The following PAPSS2 variants were observed in gnomAD, a reference collection of about 807,000 sequenced individuals.
PAPSS2 encodes bifunctional 3'-phosphoadenosine 5'-phosphosulfate synthase 2.
Under a neutral mutation model 66.5 loss-of-function variants are expected in PAPSS2, and 61 were observed. That is an observed-to-expected ratio of 0.92 (90% CI 0.75 to 1.14). The LOEUF (loss-of-function observed/expected upper bound fraction) is 1.14, where lower values mean the gene tolerates loss of function less well. PAPSS2 is among the 50% of genes most tolerant of loss of function. The pLI, the probability that PAPSS2 is intolerant of heterozygous loss-of-function variation, is 0.00. For synonymous variants in PAPSS2, 289 were observed against 287.5 expected, an observed-to-expected ratio of 1.01 and a Z score of -0.05; for missense variants, 708 against 789.6, an observed-to-expected ratio of 0.90 and a Z score of 1.24.
chr10:87,740,436 G>A (rs949332650), intron 9 of PAPSS2, among the ~76,000 whole-genome samples: 10 of 152,124 alleles, frequency 6.6e-5, no homozygotes, highest in Non-Finnish European at 1.3e-4. Flanking sequence ...AATCATTCAT[G>A]GGTAAATGAT....
chr10:87,676,052 A>ATATTTAAAGT (rs1852941964), intron 1 of PAPSS2, among the ~76,000 whole-genome samples: 2 of 146,294 alleles, frequency 1.4e-5, no homozygotes, highest in Non-Finnish European at 3.0e-5. Flanking sequence ...TCCTCATGGA[A>ATATTTAAAGT]TATTTAAAAT....
chr10:87,721,607 A>G (rs748865158), intron 7 of PAPSS2, 149 bp from the exon 8 acceptor site: 30 of 601,098 alleles, frequency 5.0e-5, no homozygotes, highest in Non-Finnish European at 8.3e-5. Context: ...TATACTCTCT[A>G]TTTTTAAAAA....
chr10:87,745,499 GAAGCAAC>G (rs1163441877), intron 12 of PAPSS2, among the ~76,000 whole-genome samples: 2 of 152,182 alleles, frequency 1.3e-5, no homozygotes, highest in African/African-American at 4.8e-5. Flanking sequence ...TAAGTGAAAG[GAAGCAAC>G]ATAGAAAGAG....
At chr10:87,719,651 C>T (rs1407977730) in intron 7 of PAPSS2, among the ~76,000 whole-genome samples, 1 of 152,056 alleles carries the variant, frequency 6.6e-6, no homozygotes, top group Non-Finnish European at 1.5e-5. Flanking sequence ...GACTTTATCC[C>T]TAGTCACATC....
intron 9 of PAPSS2, among the ~76,000 whole-genome samples, chr10:87,736,166 C>G (rs1589442445): frequency 6.6e-6 from 1 of 151,382 alleles, no homozygotes; most frequent in East Asian, 1.9e-4. Context: ...CTAGGAGAGA[C>G]ACAGCTCTGT....
chr10:87,724,884 A>AC (rs1853640783), intron 8 of PAPSS2, among the ~76,000 whole-genome samples: 1 of 151,560 alleles, frequency 6.6e-6, no homozygotes, highest in East Asian at 1.9e-4. Context: ...ACACACATAG[A>AC]AAGAGAGAGA....
chr10:87,745,902 GATGGCTTC>G lies in PAPSS2; in HGVS notation c.1798_1805del (p.Phe600ProfsTer56), dbSNP rs1160920125. The G allele has an allele frequency of 1.9e-6, 3 of 1,614,058 alleles. No homozygotes were observed. The highest frequency in any genetic ancestry group is 2.5e-6 in the Non-Finnish European group (3 of 1,179,954). The stretch of plus-strand genomic sequence containing the variant: ...CGCCCGGGAAGGAGAGAATCCCCCA[GATGGCTTC>G]ATGGCCCCCAAAGCATGGAAGGTCC... On this transcript the variant is annotated frameshift_variant, in exon 13 of 13. Transcript: ENST00000456849. LOFTEE classifies it high-confidence loss of function.
intron 9 of PAPSS2, among the ~76,000 whole-genome samples, chr10:87,730,658 T>G (rs908434868): frequency 6.6e-6 from 1 of 152,224 alleles, no homozygotes; most frequent in African/African-American, 2.4e-5. Context: ...TCTTGAACTA[T>G]GTCAAAGAAA....
chr10:87,670,188 C>T (rs112022362), intron 1 of PAPSS2, among the ~76,000 whole-genome samples: 14 of 152,338 alleles, frequency 9.2e-5, no homozygotes, highest in East Asian at 1.9e-4. Flanking sequence ...CCTAGCCTTA[C>T]GGCTATGTCA....
chr10:87,665,968 C>CT (rs11414496), intron 1 of PAPSS2, among the ~76,000 whole-genome samples: 70,042 of 140,702 alleles, frequency 0.5, 17,348 homozygotes, highest in East Asian at 0.76. Context: ...ATTTTTTTTT[C>CT]TTTTTTTTTT....
chr10:87,739,274 C>G (rs1054589025), intron 9 of PAPSS2, among the ~76,000 whole-genome samples: 11 of 152,088 alleles, frequency 7.2e-5, no homozygotes, highest in African/African-American at 2.4e-4. Flanking sequence ...TGTCCTTTCC[C>G]CCATTGAGTG....
chr10:87,683,950 C>A (rs1307721770), intron 1 of PAPSS2, among the ~76,000 whole-genome samples: 1 of 152,146 alleles, frequency 6.6e-6, no homozygotes, highest in Non-Finnish European at 1.5e-5. Flanking sequence ...CCACCTTGGC[C>A]TCCCAAAATG....
At chr10:87,681,010 T>G (rs1853013606) in intron 1 of PAPSS2, among the ~76,000 whole-genome samples, 1 of 152,182 alleles carries the variant, frequency 6.6e-6, no homozygotes, top group South Asian at 2.1e-4. Flanking sequence ...CTGGGGGTGA[T>G]TTTGCCCTTT....
chr10:87,715,991 T>C (rs1203268964), intron 7 of PAPSS2, 148 bp downstream of exon 7: 1 of 689,946 alleles, frequency 1.4e-6, no homozygotes, highest in East Asian at 2.7e-5. Flanking sequence ...CTCCATTCTA[T>C]TATGTTTAAG....
At position 87,746,007 on chromosome 10, in the gene PAPSS2, T is replaced by C; in HGVS notation, c.*37T>C. ...CAGAGTTTCTTTCTGAAGTGCTCTT[T>C]GATTACCTTTTCTATTTTTATGATT... On this transcript the variant is annotated 3_prime_UTR_variant, in exon 13 of 13. Transcript: ENST00000456849. 6.3e-7 allele frequency: 1 copy of C among 1,598,022 alleles called. No homozygotes were observed. The highest frequency in any genetic ancestry group is 2.2e-5 in the East Asian group (1 of 44,782).
At chr10:87,734,686 T>C (rs1049242110) in intron 9 of PAPSS2, among the ~76,000 whole-genome samples, 2 of 126,094 alleles carry the variant, frequency 1.6e-5, no homozygotes, top group South Asian at 2.5e-4. Flanking sequence ...TATATATATA[T>C]ATATATATAT....
At chr10:87,660,241 G>T (rs1438902320) in intron 1 of PAPSS2, 1 of 606,270 alleles carries the variant, frequency 1.6e-6, no homozygotes, top group Non-Finnish European at 2.9e-6. Context: ...TGCGCTCCTT[G>T]GGGTCGCCGC....
intron 1 of PAPSS2, among the ~76,000 whole-genome samples, chr10:87,697,724 C>T (rs1853252067): frequency 1.3e-5 from 2 of 152,182 alleles, no homozygotes; most frequent in South Asian, 2.1e-4. Flanking sequence ...TGTCATAAAC[C>T]TGTTCCTTCC....
intron 1 of PAPSS2, among the ~76,000 whole-genome samples, chr10:87,690,841 T>C (rs1319501259): frequency 6.6e-6 from 1 of 152,200 alleles, no homozygotes; most frequent in Non-Finnish European, 1.5e-5. Context: ...ATTACAATCA[T>C]TTTATAAGTG....
Sources: allele counts gnomAD v4.1 joint callset (sites outside exome capture counted in the v4.1 genomes callset), GRCh38; gene constraint gnomAD v4.1.1; transcripts MANE v1.5; gene names NCBI Gene and HGNC (gene_info 2026-07-23, HGNC 2026-07-21).